Variants in ADGRL2 observed in about 807,000 individuals in gnomAD.
ADGRL2 encodes the protein adhesion G protein-coupled receptor L2.
Under a neutral mutation model 157.4 loss-of-function variants are expected in ADGRL2, and 44 were observed. The ratio of observed to expected loss-of-function variants is 0.28; its 90% CI spans 0.22 to 0.36. The LOEUF is 0.36. ADGRL2 is among the 10% of genes least tolerant of loss of function. ADGRL2 has a pLI of 1.00. For missense variants in ADGRL2, 1,510 were observed against 1,768.9 expected, an observed-to-expected ratio of 0.85 and a Z score of 2.63; for synonymous variants, 585 against 624.7, an observed-to-expected ratio of 0.94 and a Z score of 0.95.
rs1651309035 is a variant in ADGRL2, at chr1:81,950,178, T to G, written c.1211-11T>G. 6.2e-7 allele frequency: 1 copy of G among 1,611,598 alleles called. No individual in the cohort carries two copies. Among genetic ancestry groups the G allele is most frequent in the African/African-American group, 1.3e-5 (1 of 74,766 alleles). On this transcript the variant is annotated splice_polypyrimidine_tract_variant and intron_variant, in intron 6 of 23. Coordinates refer to ENST00000686636, the MANE Select transcript of ADGRL2 (RefSeq NM_001366006.2). ...GTGTTTGAGATTAATATACTCATCT[T>G]TTTTCCATAGTGCCTACCACAGCTG... is the stretch of plus-strand genomic sequence containing the variant.
chr1:81,436,068 C>A (rs558357421), intron 1 of ADGRL2, among the ~76,000 whole-genome samples: 9 of 152,278 alleles, frequency 5.9e-5, no homozygotes, highest in African/African-American at 2.2e-4. Context: ...GCACTTTAAC[C>A]TGGGCAATAA....
chr1:81,528,717 C>T (rs567383949), intron 2 of ADGRL2, among the ~76,000 whole-genome samples: 3 of 149,144 alleles, frequency 2.0e-5, no homozygotes, highest in East Asian at 3.9e-4. Context: ...AGTCTGAACA[C>T]CTGGAATATT....
Position 81,442,656 on chromosome 1 carries a change from G to A in ADGRL2, c.-301-2380G>A, listed in dbSNP as rs182331558. Among the ~76,000 whole-genome samples the A allele has an allele frequency of 9.2e-4, 140 of 152,172 alleles. 3 individuals are homozygous for A. In the East Asian group the frequency reaches 0.023, roughly 25 times the overall value. On this transcript the variant is annotated intron_variant, in intron 1 of 24. Transcript: ENST00000370721. ...ACCCTCACAGTAAAACATGGTACTC[G>A]GGAGCAAAATTCAGTATCAGTCAGA... is the stretch of plus-strand genomic sequence containing the variant.
Position 81,713,985 on chromosome 1 carries a change from G to A in ADGRL2, c.-143+14177G>A, listed in dbSNP as rs150778807. On this transcript the variant is annotated intron_variant, in intron 1 of 20. Transcript: ENST00000359929. Reference sequence around the variant, plus strand: ...CACAATCATGGCAGAAGGTGAAGGAGGAGAAAAAGCGTTTCTTACATGGCA... The same window carrying A: ...CACAATCATGGCAGAAGGTGAAGGAAGAGAAAAAGCGTTTCTTACATGGCA... Among the ~76,000 whole-genome samples the A allele has an allele frequency of 1.6e-4, 24 of 152,290 alleles. No individual in the cohort carries two copies. The East Asian group carries it at 4.4e-3, about 28-fold the overall frequency.
chr1:81,641,399 C>G (rs374023731), intron 3 of ADGRL2, among the ~76,000 whole-genome samples: 5 of 152,180 alleles, frequency 3.3e-5, no homozygotes, highest in Admixed American at 6.5e-5. Flanking sequence ...TTGGAATATT[C>G]ACCAACAGAG....
Position 81,778,745 on chromosome 1 carries a change from TCTC to T in ADGRL2, c.-101+16896_-101+16898del, listed in dbSNP as rs554159887. ...ATATTTCATAATCTCATTTAGAAGT[TCTC>T]CTTGTAATAATTCATAGCGGTCAAG... On this transcript the variant is annotated intron_variant, in intron 2 of 20. Transcript: ENST00000359929. Among the ~76,000 whole-genome samples the T allele has an allele frequency of 1.0e-3, 158 of 152,224 alleles. 1 individual carries two copies. The highest frequency in any genetic ancestry group is 3.6e-3 in the African/African-American group (151 of 41,538).
At chr1:81,482,230 T>C (rs1182655902) in intron 2 of ADGRL2, among the ~76,000 whole-genome samples, 1 of 152,210 alleles carries the variant, frequency 6.6e-6, no homozygotes, top group Non-Finnish European at 1.5e-5. Context: ...GAACAAAATA[T>C]AGTTTGCGGC....
intron 1 of ADGRL2, among the ~76,000 whole-genome samples, chr1:81,723,793 GT>G (rs142213215): frequency 0.086 from 13,013 of 152,146 alleles, 591 homozygotes; most frequent in Non-Finnish European, 0.097. Context: ...CTTTGGGCAG[GT>G]TTGCCCTTAA....
rs553767483 is a variant in ADGRL2, at chr1:81,740,449, A to AT, written c.-142-21355dup. Among the ~76,000 whole-genome samples the AT allele has an allele frequency of 2.5e-3, 376 of 152,168 alleles. 4 individuals are homozygous for AT. Among genetic ancestry groups the AT allele is most frequent in the Admixed American group, 6.0e-3 (91 of 15,256 alleles). ...CCATTAACAAATATAGCTTAAAACCATTTTTTTACTTTTTGTTATTTTTGT... is the reference window on the plus strand; with the variant it reads ...CCATTAACAAATATAGCTTAAAACCATTTTTTTTACTTTTTGTTATTTTTGT... On this transcript the variant is annotated intron_variant, in intron 1 of 20. Coordinates refer to the ADGRL2 transcript ENST00000359929.
chr1:81,887,886 A>T (rs1025158488), intron 2 of ADGRL2, among the ~76,000 whole-genome samples: 2 of 152,184 alleles, frequency 1.3e-5, no homozygotes, highest in African/African-American at 4.8e-5. Flanking sequence ...AGGCCCAGAA[A>T]ATACCTCGTG....
intron 3 of ADGRL2, among the ~76,000 whole-genome samples, chr1:81,643,032 A>G (rs1239495346): frequency 6.6e-6 from 1 of 152,208 alleles, no homozygotes; most frequent in Non-Finnish European, 1.5e-5. Context: ...AGGCAAGGGT[A>G]TCCCCTGTCA....
At chr1:81,826,117 C>T (rs1374635621) in intron 1 of ADGRL2, among the ~76,000 whole-genome samples, 1 of 152,134 alleles carries the variant, frequency 6.6e-6, no homozygotes. Context: ...GGTTTCAAAA[C>T]TATTGGAGAC....
At chr1:81,809,814 TTAAGA>T (rs1223177990) in intron 1 of ADGRL2, among the ~76,000 whole-genome samples, 1 of 152,042 alleles carries the variant, frequency 6.6e-6, no homozygotes, top group Admixed American at 6.6e-5. Flanking sequence ...ATATGTATGA[TTAAGA>T]TATCTCTTTT....
chr1:81,947,578 C>A (rs573155242), intron 6 of ADGRL2, among the ~76,000 whole-genome samples: 2 of 152,246 alleles, frequency 1.3e-5, no homozygotes, highest in South Asian at 4.1e-4. Context: ...ATCTGATTAT[C>A]CATGAATGGT....
intron 1 of ADGRL2, among the ~76,000 whole-genome samples, chr1:81,819,327 T>G (rs1400324573): frequency 6.6e-6 from 1 of 152,084 alleles, no homozygotes; most frequent in African/African-American, 2.4e-5. Flanking sequence ...GCCAAGTCTT[T>G]TATGTATTCC....
intron 2 of ADGRL2, among the ~76,000 whole-genome samples, chr1:81,483,054 C>T (rs746871589): frequency 1.3e-5 from 2 of 151,990 alleles, no homozygotes; most frequent in South Asian, 2.1e-4. Context: ...AGAAAGTTGA[C>T]AACTGCGTGA....
intron 3 of ADGRL2, among the ~76,000 whole-genome samples, chr1:81,920,695 C>T (rs1279212056): frequency 6.6e-6 from 1 of 152,092 alleles, no homozygotes; most frequent in African/African-American, 2.4e-5. Context: ...CTCACTCTCC[C>T]CAACCCTGCA....
chr1:81,500,763 G>A (rs1320584347), intron 2 of ADGRL2, among the ~76,000 whole-genome samples: 4 of 152,112 alleles, frequency 2.6e-5, no homozygotes, highest in Non-Finnish European at 5.9e-5. Flanking sequence ...ACTGTAGAAT[G>A]TACTTAAGTA....
chr1:81,430,786 T>C (rs570276728), intron 1 of ADGRL2, among the ~76,000 whole-genome samples: 1 of 152,346 alleles, frequency 6.6e-6, no homozygotes, highest in African/African-American at 2.4e-5. Context: ...CAAACTCTGT[T>C]AAGCTCTGGC....
Sources: gnomAD v4.1 joint callset for allele counts (sites outside exome capture counted in the v4.1 genomes callset) on GRCh38, gnomAD v4.1.1 for gene constraint, MANE v1.5 for transcripts, NCBI Gene and HGNC (gene_info 2026-07-23, HGNC 2026-07-21) for gene names.